Variants in SHISA9 observed in about 807,000 individuals in gnomAD.
SHISA9 encodes protein shisa-9.
Under a neutral mutation model 38.0 loss-of-function variants are expected in SHISA9, and 13 were observed. That is an observed-to-expected ratio of 0.34 (90% CI 0.22 to 0.54). SHISA9 has a LOEUF of 0.54. Among genes scored for constraint, SHISA9 ranks in the 20% least tolerant of loss-of-function variants. SHISA9 has a pLI of 0.91. For missense variants in SHISA9, 538 were observed against 575.8 expected, an observed-to-expected ratio of 0.93 and a Z score of 0.67; for synonymous variants, 275 against 242.0, an observed-to-expected ratio of 1.14 and a Z score of -1.27.
chr16:13,226,486 A>G (rs148931236), intron 4 of SHISA9, among the ~76,000 whole-genome samples: 4 of 152,214 alleles, frequency 2.6e-5, no homozygotes, highest in South Asian at 2.1e-4. Context: ...TTCTTCATCT[A>G]TAACTCAGAT....
intron 3 of SHISA9, among the ~76,000 whole-genome samples, chr16:13,204,612 C>A (rs1380151090): frequency 6.6e-6 from 1 of 152,218 alleles, no homozygotes; most frequent in East Asian, 1.9e-4. Context: ...CTATCCCAGG[C>A]AACTTCTGCT....
At chr16:13,139,684 C>T (rs1021648472) in intron 2 of SHISA9, among the ~76,000 whole-genome samples, 11 of 152,144 alleles carry the variant, frequency 7.2e-5, no homozygotes, top group East Asian at 1.9e-4. Flanking sequence ...TTCCAGATTT[C>T]GTAAAATTCA....
chr16:13,295,878 T>G, the SHISA9 span, among the ~76,000 whole-genome samples: 1 of 152,172 alleles, frequency 6.6e-6, no homozygotes, highest in African/African-American at 2.4e-5. Context: ...CAGAGAGGAC[T>G]TAAAAAAATT....
At chr16:13,006,081 C>T (rs1214981100) in intron 2 of SHISA9, among the ~76,000 whole-genome samples, 4 of 152,208 alleles carry the variant, frequency 2.6e-5, no homozygotes, top group African/African-American at 9.6e-5. Flanking sequence ...CACACACGCG[C>T]ACACTCTGAG....
At chr16:13,501,494 A>G in the SHISA9 span, among the ~76,000 whole-genome samples, 43,468 of 152,154 alleles carry the variant, frequency 0.29, 6,815 homozygotes, top group East Asian at 0.37. Flanking sequence ...CATGGCAAGC[A>G]TGAGCATGTC....
the SHISA9 span, among the ~76,000 whole-genome samples, chr16:13,298,107 G>A: frequency 6.6e-6 from 1 of 152,134 alleles, no homozygotes; most frequent in Admixed American, 6.6e-5. Flanking sequence ...CCAGGCTGCA[G>A]GGAAATACAT....
At chr16:13,307,028 A>G in the SHISA9 span, among the ~76,000 whole-genome samples, 194 of 152,338 alleles carry the variant, frequency 1.3e-3, no homozygotes, top group African/African-American at 4.0e-3. Context: ...TGTTACAAAC[A>G]TGTTTCTATG....
At chr16:13,552,932 G>A in the SHISA9 span, among the ~76,000 whole-genome samples, 3 of 151,898 alleles carry the variant, frequency 2.0e-5, no homozygotes, top group East Asian at 5.8e-4. Context: ...AACCACAGGC[G>A]CTATTGATCT....
intron 4 of SHISA9, among the ~76,000 whole-genome samples, chr16:13,214,856 C>A (rs191478093): frequency 6.6e-6 from 1 of 152,254 alleles, no homozygotes; most frequent in African/African-American, 2.4e-5. Flanking sequence ...CATCTCCCAC[C>A]GGGTTCCTCC....
At chr16:13,253,312 G>T in the SHISA9 span, among the ~76,000 whole-genome samples, 67 of 152,250 alleles carry the variant, frequency 4.4e-4, no homozygotes, top group African/African-American at 1.6e-3. Context: ...TGAGGCTGAG[G>T]TTTGAGGTGC....
intron 2 of SHISA9, among the ~76,000 whole-genome samples, chr16:13,083,424 C>T (rs2073676234): frequency 6.6e-6 from 1 of 152,130 alleles, no homozygotes; most frequent in Non-Finnish European, 1.5e-5. Flanking sequence ...TCCCTAGAAG[C>T]AGAGTTTGAG....
At chr16:13,379,982 A>T in the SHISA9 span, among the ~76,000 whole-genome samples, 45 of 152,332 alleles carry the variant, frequency 3.0e-4, no homozygotes, top group East Asian at 5.8e-3. Flanking sequence ...AGGGCCTTTT[A>T]TAACTAAAAA....
At chr16:13,414,472 G>T in the SHISA9 span, among the ~76,000 whole-genome samples, 1 of 152,126 alleles carries the variant, frequency 6.6e-6, no homozygotes, top group African/African-American at 2.4e-5. Flanking sequence ...GGAAACAAGG[G>T]CTTTGAATTC....
the SHISA9 span, among the ~76,000 whole-genome samples, chr16:13,407,300 G>T: frequency 6.6e-6 from 1 of 152,078 alleles, no homozygotes; most frequent in Admixed American, 6.6e-5. Context: ...TCCTCATGTG[G>T]CAGAGAGAGA....
At chr16:13,041,314 A>G (rs1025121255) in intron 2 of SHISA9, among the ~76,000 whole-genome samples, 3 of 152,226 alleles carry the variant, frequency 2.0e-5, no homozygotes, top group Non-Finnish European at 4.4e-5. Context: ...TCTAGTTTTC[A>G]TAATGGCTGA....
At chr16:13,205,479 G>A (rs2051055160) in intron 3 of SHISA9, among the ~76,000 whole-genome samples, 2 of 152,150 alleles carry the variant, frequency 1.3e-5, no homozygotes, top group Non-Finnish European at 2.9e-5. Context: ...GCTAGAAAGA[G>A]CCAAACAGAT....
chr16:13,119,904 A>G (rs1033499524), intron 2 of SHISA9, among the ~76,000 whole-genome samples: 1 of 152,212 alleles, frequency 6.6e-6, no homozygotes, highest in South Asian at 2.1e-4. Flanking sequence ...TCCACCTTCA[A>G]TAACAGCAAA....
chr16:13,008,965 A>T (rs1258591852), intron 2 of SHISA9, among the ~76,000 whole-genome samples: 1 of 152,152 alleles, frequency 6.6e-6, no homozygotes, highest in Non-Finnish European at 1.5e-5. Flanking sequence ...CTTACAAACA[A>T]GAATCCACAG....
chr16:13,427,549 A>C, the SHISA9 span, among the ~76,000 whole-genome samples: 1 of 152,260 alleles, frequency 6.6e-6, no homozygotes, highest in Non-Finnish European at 1.5e-5. Context: ...TGTGGAAGAC[A>C]TGTGGCTTGA....
Sources: allele counts gnomAD v4.1 joint callset (sites outside exome capture counted in the v4.1 genomes callset), GRCh38; gene constraint gnomAD v4.1.1; transcripts MANE v1.5; gene names NCBI Gene and HGNC (gene_info 2026-07-23, HGNC 2026-07-21).